Variants in BRD1 observed in about 807,000 individuals in gnomAD.
BRD1 encodes bromodomain-containing protein 1.
BRD1 carries 24 observed loss-of-function variants against 107.7 expected under a neutral mutation model. The ratio of observed to expected loss-of-function variants is 0.22; its 90% CI spans 0.16 to 0.31. The LOEUF is 0.31. Among genes scored for constraint, BRD1 ranks in the 10% least tolerant of loss-of-function variants. BRD1 has a pLI of 1.00. For synonymous variants in BRD1, 744 were observed against 686.1 expected (o/e 1.08, Z -1.32); for missense variants, 1,279 against 1,638.6 (o/e 0.78, Z 3.79).
intron 12 of BRD1, among the ~76,000 whole-genome samples, chr22:49,774,915 G>T (rs1362048483): frequency 1.3e-5 from 2 of 152,254 alleles, no homozygotes; most frequent in African/African-American, 4.8e-5. Flanking sequence ...GCACACCATA[G>T]GCAGGTGGCC....
At chr22:49,807,715 G>C (rs1216337008) in intron 2 of BRD1, among the ~76,000 whole-genome samples, 1 of 152,266 alleles carries the variant, frequency 6.6e-6, no homozygotes, top group East Asian at 1.9e-4. Flanking sequence ...TCTTGAATAA[G>C]ACACCAAAGG....
At chr22:49,775,380 C>G (rs1048265052) in intron 12 of BRD1, 2 of 409,744 alleles carry the variant, frequency 4.9e-6, no homozygotes, top group Non-Finnish European at 8.4e-6. Flanking sequence ...AGAGACAGAC[C>G]CGGTGCTCAG....
At chr22:49,780,089 G>A (rs2059176475) in intron 8 of BRD1, among the ~76,000 whole-genome samples, 1 of 152,184 alleles carries the variant, frequency 6.6e-6, no homozygotes, top group Non-Finnish European at 1.5e-5. Flanking sequence ...CCACTTGGGG[G>A]AAGACGATGA....
At chr22:49,795,672 C>T (rs978275578) in intron 6 of BRD1, among the ~76,000 whole-genome samples, 2 of 152,226 alleles carry the variant, frequency 1.3e-5, no homozygotes, top group African/African-American at 2.4e-5. Context: ...AGGCAACCAG[C>T]GTACGTCCTG....
At chr22:49,799,444 GA>G (rs2059600023) in intron 3 of BRD1, among the ~76,000 whole-genome samples, 1 of 152,224 alleles carries the variant, frequency 6.6e-6, no homozygotes, top group African/African-American at 2.4e-5. Flanking sequence ...CACAGAACCA[GA>G]AAGGCCCACA....
At chr22:49,789,505 G>A (rs1423157635) in intron 7 of BRD1, among the ~76,000 whole-genome samples, 1 of 78,252 alleles carries the variant, frequency 1.3e-5, no homozygotes, top group African/African-American at 4.4e-5. Flanking sequence ...CCCCCGCCCC[G>A]AGCTCTCGCC....
chr22:49,800,901 A>G (rs901395317), intron 3 of BRD1, among the ~76,000 whole-genome samples: 9 of 149,504 alleles, frequency 6.0e-5, no homozygotes, highest in African/African-American at 2.0e-4. Context: ...GGGCAGGGCT[A>G]GGCGACGGTC....
chr22:49,808,490 G>A (rs1292214443), intron 2 of BRD1, among the ~76,000 whole-genome samples: 1 of 152,184 alleles, frequency 6.6e-6, no homozygotes, highest in Non-Finnish European at 1.5e-5. Flanking sequence ...TGGAGACAGG[G>A]AGTAGAACGG....
chr22:49,800,862 G>A lies in BRD1; in HGVS notation c.1525-1743C>T, dbSNP rs564247940. Among the ~76,000 whole-genome samples, 8 of 152,364 alleles carry A rather than the reference G, an allele frequency of 5.3e-5. No homozygotes were observed. In the East Asian group the frequency reaches 1.2e-3, roughly 22 times the overall value. ...CCGGGAAGAAGCTGAGCGCCTCCGC[G>A]TCCATTCCAGACACATGGGGGAGAC... is the stretch of plus-strand genomic sequence containing the variant. On this transcript the variant is annotated intron_variant, in intron 3 of 12. Transcript: ENST00000404760.
chr22:49,825,097 C>A (rs910762437), intron 1 of BRD1, among the ~76,000 whole-genome samples: 2 of 152,210 alleles, frequency 1.3e-5, no homozygotes, highest in African/African-American at 4.8e-5. Flanking sequence ...CTGAGCCAAC[C>A]TGCCCCTTCC....
At chr22:49,778,111 G>A (rs1265286308) in intron 8 of BRD1, among the ~76,000 whole-genome samples, 1 of 152,212 alleles carries the variant, frequency 6.6e-6, no homozygotes, top group Non-Finnish European at 1.5e-5. Flanking sequence ...GCTCTGTGAA[G>A]GCAAAGAAAG....
Position 49,824,367 on chromosome 22 carries a change from A to G in BRD1, c.-14-36T>C. ...GGCAAAAGTAAAGGTAATTCTACGC[A>G]GGGTGACCAAAGACTCGAGAAAACC... On this transcript the variant is annotated intron_variant, in intron 1 of 12. Transcript: ENST00000404760. The surrounding 1 kb of genome is among the most constrained non-coding windows in gnomAD (Gnocchi z 5.9). 1 of 1,597,486 alleles carries G rather than the reference A, an allele frequency of 6.3e-7. No homozygotes were observed. The highest frequency in any genetic ancestry group is 1.7e-4 in the Middle Eastern group (1 of 5,990).
In BRD1 at chr22:49,804,345, C is replaced by T. The variant is rs766130639; in HGVS notation, c.1383G>A (p.Ala461=). ...TCTTCCGCTGAATGGCCACCTGATT[C>T]GCAATCCTATTTAACCTAAAACACA... The part of the protein sequence containing the change: ...YIPPQRLNRI[A]NQVAIQRKKQ... The change falls in exon 3 of 13, where the codon GCG becomes GCA. Residue 461 remains alanine, a synonymous_variant. Transcript: ENST00000404760. The T allele has an allele frequency of 1.2e-5, 20 of 1,606,856 alleles. No individual in the cohort carries two copies. The highest frequency in any genetic ancestry group is 2.2e-5 in the East Asian group (1 of 44,698).
At chr22:49,818,235 T>G (rs1178321551) in intron 2 of BRD1, 1 of 1,213,030 alleles carries the variant, frequency 8.2e-7, no homozygotes, top group African/African-American at 1.6e-5. Context: ...TCTGAGGTTC[T>G]TGTCCGTGAG....
intron 8 of BRD1, among the ~76,000 whole-genome samples, chr22:49,784,279 AG>A (rs2059277467): frequency 6.6e-6 from 1 of 150,528 alleles, no homozygotes; most frequent in Non-Finnish European, 1.5e-5. Flanking sequence ...GACTCGCGGC[AG>A]GGGTCTCCGC....
rs2060162715 is a variant in BRD1, at chr22:49,827,829, C to T, written c.-347G>A. Reference sequence around the variant, plus strand: ...GCGGGACGCGGGGCTGGCTCGGACTCCAGGGCCGGGTCGCTCGCTCGCTCC... The same window carrying T: ...GCGGGACGCGGGGCTGGCTCGGACTTCAGGGCCGGGTCGCTCGCTCGCTCC... On this transcript the variant is annotated 5_prime_UTR_variant, in exon 1 of 13. Coordinates refer to ENST00000404760, the MANE Select transcript of BRD1 (RefSeq NM_001304808.3). Among the ~76,000 whole-genome samples, 1 of 145,944 alleles carries T rather than the reference C, an allele frequency of 6.9e-6. No individual in the cohort carries two copies. The highest frequency in any genetic ancestry group is 1.5e-5 in the Non-Finnish European group (1 of 65,674).
At chr22:49,801,925 C>T (rs1448867532) in intron 3 of BRD1, among the ~76,000 whole-genome samples, 1 of 152,208 alleles carries the variant, frequency 6.6e-6, no homozygotes. Flanking sequence ...TTCTGGCCCT[C>T]GTGTCCCAGC....
Position 49,823,055 on chromosome 22 carries a change from C to A in BRD1, c.1263G>T (p.Arg421Ser). The A allele has an allele frequency of 6.2e-7, 1 of 1,614,246 alleles. No homozygotes were observed. Among genetic ancestry groups the A allele is most frequent in the Non-Finnish European group, 8.5e-7 (1 of 1,180,054 alleles). The change falls in exon 2 of 13, where the codon AGG becomes AGT. Residue 421 changes from arginine to serine, a missense_variant. This residue lies in a region of BRD1 where 87 missense variants were observed against 77.1 expected (regional missense o/e 1.13). Coordinates refer to ENST00000404760, the MANE Select transcript of BRD1 (RefSeq NM_001304808.3). ...CCTTCTTCCTGACCTTGGATGTGGA[C>A]CTGACCGTTTTAACCGAGCTCTCTT... The part of the protein sequence containing the change: ...CRKESSVKTV[R>S]STSKVRKKAK...
chr22:49,820,347 C>T (rs1021482186), intron 2 of BRD1, among the ~76,000 whole-genome samples: 4 of 152,148 alleles, frequency 2.6e-5, no homozygotes, highest in Non-Finnish European at 5.9e-5. Context: ...ATAACATCCT[C>T]AGATGCTCTA....
Sources: gnomAD v4.1 joint callset for allele counts (sites outside exome capture counted in the v4.1 genomes callset) on GRCh38, gnomAD v4.1.1 for gene constraint, gnomAD v4.1.1 regional missense constraint, Gnocchi (gnomAD v3.1) non-coding constraint, MANE v1.5 for transcripts, NCBI Gene and HGNC (gene_info 2026-07-23, HGNC 2026-07-21) for gene names.